LRRC4C: variants seen among roughly 807,000 people sequenced by gnomAD.
LRRC4C encodes the protein leucine-rich repeat-containing protein 4C.
A neutral mutation model predicts 33.6 loss-of-function variants in LRRC4C; 5 were observed. That is an observed-to-expected ratio of 0.15 (90% CI 0.08 to 0.31). The LOEUF is 0.31. Ranked by LOEUF, LRRC4C falls within the 10% of genes least tolerant of loss-of-function variation. LRRC4C has a pLI of 1.00. For synonymous variants in LRRC4C, 329 were observed against 302.0 expected (o/e 1.09, Z -0.93); for missense variants, 560 against 796.7 (o/e 0.70, Z 3.58).
At chr11:40,624,942 T>C (rs529463460) in intron 3 of LRRC4C, among the ~76,000 whole-genome samples, 7 of 152,218 alleles carry the variant, frequency 4.6e-5, no homozygotes, top group South Asian at 4.1e-4. Flanking sequence ...TCTGAGGCCA[T>C]AGTAAGCTCA....
intron 1 of LRRC4C, among the ~76,000 whole-genome samples, chr11:41,034,533 TATATA>T (rs1295269060): frequency 7.0e-6 from 1 of 142,770 alleles, no homozygotes; most frequent in Non-Finnish European, 1.5e-5. Context: ...TATATTTATA[TATATA>T]ATATAAATTG....
intron 3 of LRRC4C, among the ~76,000 whole-genome samples, chr11:40,559,357 G>T (rs1275571016): frequency 6.6e-6 from 1 of 151,820 alleles, no homozygotes; most frequent in Non-Finnish European, 1.5e-5. Context: ...CTAATTTTTT[G>T]TACTTTTGGT....
chr11:40,758,457 T>A (rs1161318634), intron 2 of LRRC4C, among the ~76,000 whole-genome samples: 1 of 152,004 alleles, frequency 6.6e-6, no homozygotes, highest in Non-Finnish European at 1.5e-5. Context: ...AGAAATAGAT[T>A]CTGTGATTTA....
At chr11:40,616,107 A>G (rs1032050083) in intron 3 of LRRC4C, among the ~76,000 whole-genome samples, 5 of 152,086 alleles carry the variant, frequency 3.3e-5, no homozygotes, top group African/African-American at 1.2e-4. Flanking sequence ...AAGGATATGA[A>G]CAGACACTTC....
chr11:40,192,712 C>A (rs1242616899), intron 5 of LRRC4C, among the ~76,000 whole-genome samples: 1 of 152,202 alleles, frequency 6.6e-6, no homozygotes, highest in Non-Finnish European at 1.5e-5. Flanking sequence ...GCTTGAAATT[C>A]TCGCTGCCAG....
At chr11:41,347,485 G>A (rs1159113795) in intron 1 of LRRC4C, among the ~76,000 whole-genome samples, 2 of 152,074 alleles carry the variant, frequency 1.3e-5, no homozygotes, top group African/African-American at 4.8e-5. Context: ...AAAGAAGGCT[G>A]CAGATGTTAA....
intron 1 of LRRC4C, among the ~76,000 whole-genome samples, chr11:41,144,705 T>A (rs902689740): frequency 6.6e-6 from 1 of 152,186 alleles, no homozygotes; most frequent in Non-Finnish European, 1.5e-5. Context: ...CAAAGCTATA[T>A]TACATTTAAT....
chr11:41,237,418 A>AT (rs1004802393), intron 1 of LRRC4C, among the ~76,000 whole-genome samples: 20 of 152,120 alleles, frequency 1.3e-4, no homozygotes, highest in Non-Finnish European at 2.2e-4. Flanking sequence ...AGAAAAGGAG[A>AT]TTTTTTTGCA....
chr11:41,310,868 C>T (rs1428914327), intron 1 of LRRC4C, among the ~76,000 whole-genome samples: 1 of 152,130 alleles, frequency 6.6e-6, no homozygotes, highest in African/African-American at 2.4e-5. Context: ...AGCAATTTTA[C>T]ACCTGCCTTA....
At chr11:40,920,100 AG>A (rs1957114544) in intron 2 of LRRC4C, among the ~76,000 whole-genome samples, 2 of 152,190 alleles carry the variant, frequency 1.3e-5, no homozygotes, top group Non-Finnish European at 2.9e-5. Flanking sequence ...TCAGATTATA[AG>A]AAAATCTTAT....
At chr11:40,353,866 T>C (rs568396769) in intron 3 of LRRC4C, among the ~76,000 whole-genome samples, 1 of 152,240 alleles carries the variant, frequency 6.6e-6, no homozygotes, top group African/African-American at 2.4e-5. Context: ...ATTTATTTCA[T>C]TCAGTGAGGT....
intron 2 of LRRC4C, among the ~76,000 whole-genome samples, chr11:40,697,208 A>G (rs545694446): frequency 6.6e-6 from 1 of 152,202 alleles, no homozygotes; most frequent in South Asian, 2.1e-4. Flanking sequence ...CAATGAAGAT[A>G]TGTGTGTCAG....
At chr11:40,734,047 G>T (rs562085797) in intron 2 of LRRC4C, among the ~76,000 whole-genome samples, 1 of 152,194 alleles carries the variant, frequency 6.6e-6, no homozygotes, top group Admixed American at 6.5e-5. Context: ...CAGCAATTAT[G>T]ATTTTCAACT....
intron 4 of LRRC4C, among the ~76,000 whole-genome samples, chr11:40,316,112 A>T (rs1945560871): frequency 6.6e-6 from 1 of 152,016 alleles, no homozygotes; most frequent in South Asian, 2.1e-4. Flanking sequence ...TGCATTTTTT[A>T]ATCAAAAAAA....
At chr11:40,494,388 A>T (rs1301820349) in intron 3 of LRRC4C, among the ~76,000 whole-genome samples, 1 of 152,210 alleles carries the variant, frequency 6.6e-6, no homozygotes, top group Non-Finnish European at 1.5e-5. Flanking sequence ...TATTTATTTG[A>T]ATATACCTGA....
intron 3 of LRRC4C, among the ~76,000 whole-genome samples, chr11:40,596,359 G>A (rs1959296345): frequency 1.3e-5 from 2 of 151,900 alleles, no homozygotes; most frequent in South Asian, 4.2e-4. Context: ...GAGTACACAT[G>A]ACTTTTTGGT....
At chr11:40,898,124 G>A (rs945535008) in intron 2 of LRRC4C, among the ~76,000 whole-genome samples, 3 of 152,022 alleles carry the variant, frequency 2.0e-5, no homozygotes, top group Non-Finnish European at 4.4e-5. Flanking sequence ...GGAGGCCGAG[G>A]CGGGCAGATC....
At chr11:40,323,585 C>G (rs1022867110) in intron 3 of LRRC4C, among the ~76,000 whole-genome samples, 1 of 152,180 alleles carries the variant, frequency 6.6e-6, no homozygotes, top group African/African-American at 2.4e-5. Flanking sequence ...TTATAAAATG[C>G]AGCTAGCAAG....
At chr11:41,095,722 C>A (rs1009998831) in intron 1 of LRRC4C, among the ~76,000 whole-genome samples, 1 of 152,118 alleles carries the variant, frequency 6.6e-6, no homozygotes, top group Non-Finnish European at 1.5e-5. Flanking sequence ...CTCTTTAATT[C>A]AGGAATTTGG....
Sources: allele counts gnomAD v4.1 joint callset (sites outside exome capture counted in the v4.1 genomes callset), GRCh38; gene constraint gnomAD v4.1.1; transcripts MANE v1.5; gene names NCBI Gene and HGNC (gene_info 2026-07-23, HGNC 2026-07-21).